The following NLGN1 variants were observed in gnomAD, a reference collection of about 807,000 sequenced individuals.
The protein encoded by NLGN1 is neuroligin-1.
Under a neutral mutation model 65.5 loss-of-function variants are expected in NLGN1, and 12 were observed. That is an observed-to-expected ratio of 0.18 (90% CI 0.12 to 0.30). The LOEUF (loss-of-function observed/expected upper bound fraction) is 0.30. Ranked by LOEUF, NLGN1 falls within the 10% of genes least tolerant of loss-of-function variation. NLGN1 has a pLI of 1.00. For missense variants in NLGN1, 750 were observed against 1,007.1 expected, an observed-to-expected ratio of 0.74 and a Z score of 3.46; for synonymous variants, 350 against 359.5, an observed-to-expected ratio of 0.97 and a Z score of 0.30.
rs114359158 is a variant in NLGN1 at position 173,889,865 on chromosome 3, A to G, written c.646+82033A>G. On this transcript the variant is annotated intron_variant, in intron 4 of 6. Transcript: ENST00000457714. Reference sequence around the variant, plus strand: ...ACACCACTGTGAACTTCAATCTTGAATGACTCAAAGAAAACGTTTAAATTC... The same window carrying G: ...ACACCACTGTGAACTTCAATCTTGAGTGACTCAAAGAAAACGTTTAAATTC... Among the ~76,000 whole-genome samples, 651 of 152,268 alleles carry G rather than the reference A, an allele frequency of 4.3e-3. 8 individuals are homozygous for G. Among genetic ancestry groups the G allele is most frequent in the African/African-American group, 0.014 (596 of 41,570 alleles).
chr3:174,116,096 C>A (rs951590554), intron 4 of NLGN1, among the ~76,000 whole-genome samples: 12 of 152,044 alleles, frequency 7.9e-5, no homozygotes, highest in African/African-American at 2.9e-4. Context: ...AATCCCATAG[C>A]CTCCATGGAA....
At chr3:173,436,500 G>C (rs373843789) in intron 2 of NLGN1, among the ~76,000 whole-genome samples, 1 of 152,186 alleles carries the variant, frequency 6.6e-6, no homozygotes, top group Non-Finnish European at 1.5e-5. Flanking sequence ...AAATAGGGAA[G>C]ACTGTGTGTT....
intron 2 of NLGN1, among the ~76,000 whole-genome samples, chr3:173,481,238 T>G (rs988682802): frequency 1.1e-4 from 17 of 152,038 alleles, no homozygotes; most frequent in African/African-American, 4.1e-4. Flanking sequence ...GATTTGGTAA[T>G]GTTTTATAAC....
chr3:173,462,878 G>T (rs1417634988), intron 2 of NLGN1, among the ~76,000 whole-genome samples: 4 of 152,166 alleles, frequency 2.6e-5, no homozygotes, highest in Non-Finnish European at 5.9e-5. Flanking sequence ...ATTCTGCTGA[G>T]ACTTTATTTT....
At chr3:173,483,974 A>G (rs1274526614) in intron 2 of NLGN1, among the ~76,000 whole-genome samples, 2 of 152,092 alleles carry the variant, frequency 1.3e-5, no homozygotes, top group Admixed American at 6.6e-5. Context: ...ATTTCTCCCA[A>G]TTATTTCTGG....
At chr3:174,133,239 A>G (rs367797773) in intron 4 of NLGN1, among the ~76,000 whole-genome samples, 1 of 152,226 alleles carries the variant, frequency 6.6e-6, no homozygotes, top group African/African-American at 2.4e-5. Context: ...GTAACCAAGA[A>G]GTTAAAACCT....
At chr3:173,711,652 G>A (rs1466309246) in intron 3 of NLGN1, among the ~76,000 whole-genome samples, 6 of 152,150 alleles carry the variant, frequency 3.9e-5, no homozygotes, top group Non-Finnish European at 7.3e-5. Context: ...CTTTTGCCCG[G>A]GAACCTTATC....
intron 2 of NLGN1, among the ~76,000 whole-genome samples, chr3:173,598,670 C>T (rs544729333): frequency 1.3e-5 from 2 of 152,152 alleles, no homozygotes; most frequent in Non-Finnish European, 2.9e-5. Flanking sequence ...TTTACTCTGT[C>T]TTCTGGGCAA....
At chr3:173,492,485 G>A (rs1337836330) in intron 2 of NLGN1, among the ~76,000 whole-genome samples, 2 of 151,716 alleles carry the variant, frequency 1.3e-5, no homozygotes, top group Non-Finnish European at 2.9e-5. Context: ...AGAAAAAAAT[G>A]AATGTTATAA....
intron 3 of NLGN1, among the ~76,000 whole-genome samples, chr3:173,714,050 G>A (rs967304952): frequency 1.3e-5 from 2 of 152,130 alleles, no homozygotes; most frequent in African/African-American, 4.8e-5. Context: ...AATGCAAAGT[G>A]TAATAGAAAT....
chr3:173,605,680 C>T (rs1200876890), intron 3 of NLGN1, 87 bp downstream of exon 3: 2 of 600,742 alleles, frequency 3.3e-6, no homozygotes, highest in Non-Finnish European at 5.4e-6. Flanking sequence ...TTTGCTGATG[C>T]TGGGAAGTAA....
At chr3:174,200,239 A>G (rs1325257882) in intron 4 of NLGN1, among the ~76,000 whole-genome samples, 1 of 152,230 alleles carries the variant, frequency 6.6e-6, no homozygotes, top group Non-Finnish European at 1.5e-5. Flanking sequence ...AGAAAAGGTA[A>G]CTGCTGTAAA....
intron 4 of NLGN1, among the ~76,000 whole-genome samples, chr3:174,069,848 T>C (rs1310752816): frequency 6.6e-6 from 1 of 152,154 alleles, no homozygotes; most frequent in East Asian, 1.9e-4. Context: ...AAAGACCAGG[T>C]TTTGAGTTCT....
At chr3:173,852,321 A>G (rs897561425) in intron 4 of NLGN1, among the ~76,000 whole-genome samples, 1 of 122,692 alleles carries the variant, frequency 8.2e-6, no homozygotes, top group East Asian at 2.8e-4. Context: ...GCGCCACTGC[A>G]CTCCAGCCTG....
chr3:173,747,801 C>CTTTTTTTTTTTTTTTTT lies in NLGN1; in HGVS notation c.494-59865_494-59849dup, dbSNP rs749749824. On this transcript the variant is annotated intron_variant, in intron 3 of 6. Transcript: ENST00000457714. ...AATTTTCTTTCTTCTTCTTCTTGTT[C>CTTTTTTTTTTTTTTTTT]TTTTTTTTTTTTTTTTTTTTTTTTT... Among the ~76,000 whole-genome samples, 81 of 64,422 alleles carry CTTTTTTTTTTTTTTTTT rather than the reference C, an allele frequency of 1.3e-3. 19 individuals carry two copies. The highest frequency in any genetic ancestry group is 3.6e-3 in the African/African-American group (58 of 16,098). 42.3% of individuals were successfully genotyped at this position (64,422 alleles called of 152,430 possible).
intron 3 of NLGN1, among the ~76,000 whole-genome samples, chr3:173,805,648 C>G (rs1326336434): frequency 1.3e-5 from 2 of 152,094 alleles, no homozygotes. Context: ...CTTTGTAATT[C>G]TATGTAATTT....
At chr3:173,555,449 C>T (rs1452805838) in intron 2 of NLGN1, among the ~76,000 whole-genome samples, 1 of 152,130 alleles carries the variant, frequency 6.6e-6, no homozygotes, top group Non-Finnish European at 1.5e-5. Flanking sequence ...ATTTTTCTTA[C>T]ATGTTCCTTC....
At chr3:173,529,033 T>C (rs1736108145) in intron 2 of NLGN1, among the ~76,000 whole-genome samples, 1 of 152,226 alleles carries the variant, frequency 6.6e-6, no homozygotes, top group South Asian at 2.1e-4. Context: ...AGAATTCTTA[T>C]GCTGGATCCT....
chr3:173,632,671 A>C (rs1219224003), intron 3 of NLGN1, among the ~76,000 whole-genome samples: 1 of 152,078 alleles, frequency 6.6e-6, no homozygotes, highest in Non-Finnish European at 1.5e-5. Context: ...ATCACTTGAA[A>C]ATCTCAAAGG....
Sources: allele counts gnomAD v4.1 joint callset (sites outside exome capture counted in the v4.1 genomes callset), GRCh38; gene constraint gnomAD v4.1.1; transcripts MANE v1.5; gene names NCBI Gene and HGNC (gene_info 2026-07-23, HGNC 2026-07-21).